TMEM120B: variants seen among roughly 807,000 people sequenced by gnomAD.
TMEM120B encodes the protein transmembrane protein 120B.
A neutral mutation model predicts 55.5 loss-of-function variants in TMEM120B; 31 were observed. The observed-to-expected ratio is 0.56, with a 90% CI of 0.42 to 0.75. The LOEUF is 0.75. Among genes scored for constraint, TMEM120B ranks in the 30% least tolerant of loss-of-function variants. TMEM120B has a pLI of 0.00. For synonymous variants in TMEM120B, 203 were observed against 176.3 expected (o/e 1.15, Z -1.20); for missense variants, 399 against 425.5 (o/e 0.94, Z 0.55).
At chr12:121,766,251 G>T (rs573300672) in intron 6 of TMEM120B, among the ~76,000 whole-genome samples, 1 of 152,152 alleles carries the variant, frequency 6.6e-6, no homozygotes, top group Non-Finnish European at 1.5e-5. Flanking sequence ...CTCGGTTTGT[G>T]TCTGGTGCCT....
intron 4 of TMEM120B, among the ~76,000 whole-genome samples, chr12:121,750,871 ACACC>A (rs1223286309): frequency 3.0e-5 from 2 of 66,360 alleles, no homozygotes; most frequent in African/African-American, 6.2e-5. Flanking sequence ...CCCCACACCC[ACACC>A]ACACACCACA....
chr12:121,761,679 G>C lies in TMEM120B; in HGVS notation c.492G>C (p.Leu164=), dbSNP rs1873683183. Residue 164 remains leucine, a synonymous_variant, in exon 6 of 12, where the codon CTG becomes CTC. Transcript: ENST00000449592. ...CTGACGAAGTCTTCAACTTCCTGCTGGTGTGGTATTACTGCACCCTGACCA... is the reference window on the plus strand; with the variant it reads ...CTGACGAAGTCTTCAACTTCCTGCTCGTGTGGTATTACTGCACCCTGACCA... ...RVTDEVFNFL[L]VWYYCTLTIR... is the part of the protein sequence containing the mutation. 5 of 1,613,966 alleles carry C rather than the reference G, an allele frequency of 3.1e-6. No homozygotes were observed. Among genetic ancestry groups the C allele is most frequent in the Non-Finnish European group, 4.2e-6 (5 of 1,179,928 alleles).
chr12:121,731,749 G>A lies in TMEM120B; in HGVS notation c.70-11880G>A, dbSNP rs60097021. Among the ~76,000 whole-genome samples the A allele has an allele frequency of 5.0e-4, 76 of 152,252 alleles. 1 individual carries two copies. In the East Asian group the frequency reaches 0.013, roughly 26 times the overall value. On this transcript the variant is annotated intron_variant, in intron 1 of 11. Coordinates refer to ENST00000449592, the MANE Select transcript of TMEM120B (RefSeq NM_001080825.2). The stretch of plus-strand genomic sequence containing the variant: ...ACCACAGTATGAGTGTAATGCCATC[G>A]CATTGTACAATTAAAATGATTAAGA...
At chr12:121,764,559 G>A (rs1873785419) in intron 6 of TMEM120B, among the ~76,000 whole-genome samples, 1 of 151,896 alleles carries the variant, frequency 6.6e-6, no homozygotes, top group Non-Finnish European at 1.5e-5. Flanking sequence ...TACACCTGTA[G>A]TCCTAGCTAC....
At position 121,778,590 on chromosome 12, in the gene TMEM120B, G is replaced by T. The variant is rs1592953846; in HGVS notation, c.*2868G>T. The T allele has an allele frequency of 6.6e-6, 1 of 151,762 alleles. No homozygotes were observed. Among genetic ancestry groups the T allele is most frequent in the South Asian group, 2.1e-4 (1 of 4,788 alleles). 9.4% of individuals were successfully genotyped at this position (151,762 alleles called of 1,614,324 possible). A position where few individuals can be genotyped will look rare whatever the true frequency, so the allele number is the denominator to read the frequency against. ...AGAAACTGTCCCGCGTGGACAGGGG[G>T]TAGATCCCATCAGTTCTCAAAGGAG... On this transcript the variant is annotated 3_prime_UTR_variant, in exon 12 of 12. Coordinates refer to ENST00000449592, the MANE Select transcript of TMEM120B (RefSeq NM_001080825.2).
intron 2 of TMEM120B, among the ~76,000 whole-genome samples, chr12:121,745,369 A>G (rs1431133260): frequency 6.6e-6 from 1 of 152,020 alleles, no homozygotes; most frequent in Non-Finnish European, 1.5e-5. Context: ...CTTTATTTCT[A>G]TTTTTTAAAA....
intron 1 of TMEM120B, among the ~76,000 whole-genome samples, chr12:121,718,376 C>T (rs531421324): frequency 3.3e-5 from 5 of 152,120 alleles, no homozygotes; most frequent in Admixed American, 2.0e-4. Context: ...ATTGGTCGCT[C>T]GCTCCTGTAA....
At chr12:121,745,005 G>A (rs949216420) in intron 2 of TMEM120B, among the ~76,000 whole-genome samples, 4 of 152,142 alleles carry the variant, frequency 2.6e-5, no homozygotes, top group Admixed American at 2.6e-4. Flanking sequence ...GGCACATGGC[G>A]AACCCCAGCA....
intron 6 of TMEM120B, among the ~76,000 whole-genome samples, chr12:121,770,120 C>T (rs191174754): frequency 2.0e-5 from 3 of 152,172 alleles, no homozygotes; most frequent in Admixed American, 1.3e-4. Flanking sequence ...AAGTACCGCC[C>T]GCCGAGTGTC....
At position 121,780,988 on chromosome 12, in the gene TMEM120B, G is replaced by A. The variant is rs1391040635; in HGVS notation, c.*5266G>A. ...ACCATGGGGATCCCGCGGCAGAAAT[G>A]CGTGACCTCAGGGAACCACTGTGGA... On this transcript the variant is annotated 3_prime_UTR_variant, in exon 12 of 12. Coordinates refer to ENST00000449592, the MANE Select transcript of TMEM120B (RefSeq NM_001080825.2). The A allele has an allele frequency of 6.2e-7, 1 of 1,613,872 alleles. No individual in the cohort carries two copies. The highest frequency in any genetic ancestry group is 2.2e-5 in the East Asian group (1 of 44,884).
At chr12:121,754,886 G>A (rs1232466141) in intron 5 of TMEM120B, among the ~76,000 whole-genome samples, 1 of 152,154 alleles carries the variant, frequency 6.6e-6, no homozygotes, top group East Asian at 1.9e-4. Context: ...CGGTGCCCCC[G>A]GGAAGCCTGC....
At chr12:121,761,180 T>C (rs1873665118) in intron 5 of TMEM120B, among the ~76,000 whole-genome samples, 1 of 152,040 alleles carries the variant, frequency 6.6e-6, no homozygotes, top group Non-Finnish European at 1.5e-5. Context: ...AGTTTCACCA[T>C]ATTGGCCAAA....
chr12:121,769,526 C>G (rs945840550), intron 6 of TMEM120B, among the ~76,000 whole-genome samples: 5 of 151,678 alleles, frequency 3.3e-5, no homozygotes, highest in African/African-American at 1.2e-4. Context: ...GGCAACATAG[C>G]AAGACCCTGT....
intron 1 of TMEM120B, among the ~76,000 whole-genome samples, chr12:121,725,969 G>A (rs1264099302): frequency 6.0e-5 from 9 of 150,696 alleles, no homozygotes; most frequent in Admixed American, 2.7e-4. Flanking sequence ...CCTGAGAGGC[G>A]GAGGTTGCAG....
In TMEM120B at chr12:121,744,232, C is replaced by G. The variant is rs531727001; in HGVS notation, c.188+485C>G. On this transcript the variant is annotated intron_variant, in intron 2 of 11. Transcript: ENST00000449592. ...AGCCACTGTGCCTGGCCGAGAGTTT[C>G]TCGTTCCCAGTACTTCAGCCGACAT... Among the ~76,000 whole-genome samples the G allele has an allele frequency of 1.5e-4, 23 of 152,198 alleles. No homozygotes were observed. The South Asian group carries it at 3.3e-3, about 22-fold the overall frequency.
At position 121,713,579 on chromosome 12, in the gene TMEM120B, T is replaced by TA. The variant is rs1198864046; in HGVS notation, c.69+616dup. Among the ~76,000 whole-genome samples the TA allele has an allele frequency of 2.6e-5, 4 of 152,110 alleles. 1 individual carries two copies. The South Asian group carries it at 8.3e-4, about 32-fold the overall frequency. ...ACAGCTGAGTAGCCTCACCCAGTGA[T>TA]AGGGGAAACTCCCAGCTCTATCCTT... On this transcript the variant is annotated intron_variant, in intron 1 of 11. Transcript: ENST00000449592.
intron 5 of TMEM120B, chr12:121,758,910 C>G (rs1290358012): frequency 1.0e-6 from 1 of 982,264 alleles, no homozygotes; most frequent in Admixed American, 6.3e-5. Flanking sequence ...GGCCTAGCCC[C>G]GTGCTGTGGT....
intron 1 of TMEM120B, among the ~76,000 whole-genome samples, chr12:121,741,762 A>G (rs1872939657): frequency 6.6e-6 from 1 of 151,966 alleles, no homozygotes; most frequent in Admixed American, 6.6e-5. Flanking sequence ...CCTCCCGAGT[A>G]GCTGGGATTA....
rs1256053924 is a variant in TMEM120B, at chr12:121,743,879, A to G, written c.188+132A>G. ...TGGGAGTTGCTTCAGGCATCACTGG[A>G]TCCAGGAGTCAAAGGGTGTTTTGGG... On this transcript the variant is annotated intron_variant, in intron 2 of 11. Transcript: ENST00000449592. The G allele has an allele frequency of 1.1e-5, 7 of 658,124 alleles. No individual in the cohort carries two copies. The Admixed American group carries it at 1.7e-4, about 16-fold the overall frequency. 40.8% of individuals were successfully genotyped at this position (658,124 alleles called of 1,614,324 possible).
Sources: gnomAD v4.1 joint callset for allele counts (sites outside exome capture counted in the v4.1 genomes callset) on GRCh38, gnomAD v4.1.1 for gene constraint, MANE v1.5 for transcripts, NCBI Gene and HGNC (gene_info 2026-07-23, HGNC 2026-07-21) for gene names.